CD84: variants seen among roughly 807,000 people sequenced by gnomAD.
CD84 encodes the protein CD84 molecule.
CD84 carries 22 observed loss-of-function variants against 33.8 expected under a neutral mutation model. The ratio of observed to expected loss-of-function variants is 0.65; its 90% CI spans 0.46 to 0.93. CD84 has a LOEUF of 0.93. CD84 is among the 40% of genes least tolerant of loss of function. The pLI is 0.00. For synonymous variants in CD84, 154 were observed against 145.2 expected, an observed-to-expected ratio of 1.06 and a Z score of -0.44; for missense variants, 400 against 397.6, an observed-to-expected ratio of 1.01 and a Z score of -0.05.
At chr1:160,562,743 C>T (rs1453634661) in intron 2 of CD84, among the ~76,000 whole-genome samples, 3 of 152,134 alleles carry the variant, frequency 2.0e-5, no homozygotes, top group Admixed American at 6.5e-5. Flanking sequence ...AACTAAAGAG[C>T]TTCTGCACAG....
At chr1:160,550,874 C>T in intron 5 of CD84, 64 bp downstream of exon 5, 2 of 1,605,390 alleles carry the variant, frequency 1.2e-6, no homozygotes, top group East Asian at 4.5e-5. Flanking sequence ...GAGGCAATGG[C>T]TGCCCATGAC....
intron 1 of CD84, among the ~76,000 whole-genome samples, chr1:160,577,115 G>T (rs1252306239): frequency 6.6e-6 from 1 of 152,174 alleles, no homozygotes; most frequent in African/African-American, 2.4e-5. Flanking sequence ...GCATAAGACT[G>T]TGAATTTTGA....
intron 2 of CD84, among the ~76,000 whole-genome samples, chr1:160,555,464 G>A (rs1012952843): frequency 5.3e-5 from 8 of 152,028 alleles, no homozygotes; most frequent in African/African-American, 1.9e-4. Context: ...ATCCATGGTG[G>A]AAAGCTATAA....
At chr1:160,561,283 C>A (rs1246411339) in intron 2 of CD84, among the ~76,000 whole-genome samples, 2 of 152,088 alleles carry the variant, frequency 1.3e-5, no homozygotes, top group African/African-American at 4.8e-5. Flanking sequence ...GCTGGCAAAC[C>A]AAAACCAGCA....
At position 160,547,902 on chromosome 1, in the gene CD84, C is replaced by T. The variant is rs1055880; in HGVS notation, c.*354G>A. ...GGTTGTTACCTCCAGTCACAAGAGG[C>T]CTCTAGTCATATGCAGCTTCCAGAA... On this transcript the variant is annotated 3_prime_UTR_variant, in exon 7 of 7. Coordinates refer to ENST00000368054, the MANE Select transcript of CD84 (RefSeq NM_003874.4). 0.29 allele frequency: 86,107 copies of T among 293,420 alleles called. 13,493 individuals are homozygous for T. Among genetic ancestry groups the T allele is most frequent in the African/African-American group, 0.37 (16,588 of 45,438 alleles). 18.2% of individuals were successfully genotyped at this position (293,420 alleles called of 1,614,324 possible). A position where few individuals can be genotyped will look rare whatever the true frequency, so the allele number is the denominator to read the frequency against.
chr1:160,553,565 C>A, intron 3 of CD84, 68 bp from the exon 4 acceptor site: 5 of 1,585,384 alleles, frequency 3.2e-6, no homozygotes, highest in Non-Finnish European at 4.3e-6. Flanking sequence ...GCAGGTTTGC[C>A]CACAGTCAGG....
chr1:160,554,740 T>C (rs535204397), intron 2 of CD84, among the ~76,000 whole-genome samples: 14 of 152,200 alleles, frequency 9.2e-5, no homozygotes, highest in Non-Finnish European at 1.8e-4. Context: ...ATTATTTAAC[T>C]GAAATGAAAA....
At chr1:160,558,004 G>A (rs1217539875) in intron 2 of CD84, among the ~76,000 whole-genome samples, 2 of 152,206 alleles carry the variant, frequency 1.3e-5, no homozygotes, top group African/African-American at 4.8e-5. Context: ...GCTCCTATGG[G>A]GAGGGGCGGC....
At chr1:160,557,787 G>C (rs1656700668) in intron 2 of CD84, among the ~76,000 whole-genome samples, 1 of 152,192 alleles carries the variant, frequency 6.6e-6, no homozygotes, top group Non-Finnish European at 1.5e-5. Flanking sequence ...TGCCATCTCT[G>C]TGGTTCAGTA....
Position 160,561,396 on chromosome 1 carries a change from T to C in CD84, c.388+4008A>G, listed in dbSNP as rs1656950098. On this transcript the variant is annotated intron_variant, in intron 2 of 6. Coordinates refer to ENST00000368054, the MANE Select transcript of CD84 (RefSeq NM_003874.4). ...CAGTAAGTGTGATTCATCACATAAA[T>C]AGTACTGAAGACAAAACCCACAGAT... is the stretch of plus-strand genomic sequence containing the variant. Among the ~76,000 whole-genome samples the C allele has an allele frequency of 3.3e-5, 5 of 151,682 alleles. No homozygotes were observed. The South Asian group carries it at 8.3e-4, about 25-fold the overall frequency.
At chr1:160,570,996 C>G (rs1216023151) in intron 1 of CD84, 1 of 152,186 alleles carries the variant, frequency 6.6e-6, no homozygotes. Flanking sequence ...GAGGAGGAAG[C>G]CAAGTTCTGA....
At chr1:160,574,924 C>T (rs918580275) in intron 1 of CD84, among the ~76,000 whole-genome samples, 4 of 152,012 alleles carry the variant, frequency 2.6e-5, no homozygotes, top group Non-Finnish European at 5.9e-5. Context: ...AACAAATAAA[C>T]ATCTTCAAAG....
At chr1:160,572,488 A>C (rs764174314) in intron 1 of CD84, among the ~76,000 whole-genome samples, 1 of 152,174 alleles carries the variant, frequency 6.6e-6, no homozygotes, top group Non-Finnish European at 1.5e-5. Flanking sequence ...GTGGATAATT[A>C]TTAAATGCAA....
At position 160,541,845 on chromosome 1, in the gene CD84, T is replaced by C. The variant is rs1279719668; in HGVS notation, c.*6411A>G. On this transcript the variant is annotated 3_prime_UTR_variant, in exon 7 of 7. Coordinates refer to ENST00000368054, the MANE Select transcript of CD84 (RefSeq NM_003874.4). ...CTCATTTTAGAAAGATTGCTCTTTA[T>C]GTAATAGCAACCCAGGTAACACGTG... The C allele has an allele frequency of 6.6e-6, 1 of 152,214 alleles. No individual in the cohort carries two copies. Among genetic ancestry groups the C allele is most frequent in the East Asian group, 1.9e-4 (1 of 5,202 alleles). The allele number at this position is 152,214 out of a possible 1,614,324, so 9.4% of individuals were successfully genotyped here.
At chr1:160,574,662 G>A (rs10797078) in intron 1 of CD84, among the ~76,000 whole-genome samples, 130,339 of 152,090 alleles carry the variant, frequency 0.86, 56,480 homozygotes, top group Non-Finnish European at 0.93. Context: ...AGTCACTGAG[G>A]CCTAGCCTGC....
At chr1:160,577,444 T>A (rs772152141) in intron 1 of CD84, among the ~76,000 whole-genome samples, 4 of 152,192 alleles carry the variant, frequency 2.6e-5, no homozygotes, top group South Asian at 2.1e-4. Context: ...ATGTAAAAAG[T>A]ACTCCTGGCT....
At chr1:160,562,144 C>T (rs1293987402) in intron 2 of CD84, among the ~76,000 whole-genome samples, 1 of 152,122 alleles carries the variant, frequency 6.6e-6, no homozygotes, top group African/African-American at 2.4e-5. Context: ...TGAAAATGGC[C>T]ATACTGCCCA....
At chr1:160,560,751 G>C (rs1476261188) in intron 2 of CD84, among the ~76,000 whole-genome samples, 1 of 151,888 alleles carries the variant, frequency 6.6e-6, no homozygotes. Flanking sequence ...CTGCTAGCTA[G>C]ACTAGTAAAG....
chr1:160,574,815 C>A (rs980215892), intron 1 of CD84, among the ~76,000 whole-genome samples: 1 of 152,028 alleles, frequency 6.6e-6, no homozygotes, highest in Non-Finnish European at 1.5e-5. Flanking sequence ...CAATATTTGA[C>A]CTCATAAAAA....
Sources: allele counts gnomAD v4.1 joint callset (sites outside exome capture counted in the v4.1 genomes callset), GRCh38; gene constraint gnomAD v4.1.1; transcripts MANE v1.5; gene names NCBI Gene and HGNC (gene_info 2026-07-23, HGNC 2026-07-21).